Variants in SH3RF3 observed in about 807,000 individuals in gnomAD.
The protein encoded by SH3RF3 is E3 ubiquitin-protein ligase SH3RF3.
A neutral mutation model predicts 66.3 loss-of-function variants in SH3RF3; 29 were observed. The ratio of observed to expected loss-of-function variants is 0.44; its 90% CI spans 0.33 to 0.60. The LOEUF (loss-of-function observed/expected upper bound fraction) is 0.60, where lower values mean the gene tolerates loss of function less well. Among genes scored for constraint, SH3RF3 ranks in the 20% least tolerant of loss-of-function variants. The pLI is 0.04. For missense variants in SH3RF3, 1,194 were observed against 1,190.9 expected (o/e 1.00, Z -0.04); for synonymous variants, 583 against 532.0 (o/e 1.10, Z -1.32).
chr2:109,493,273 C>T (rs1017255013), intron 9 of SH3RF3, among the ~76,000 whole-genome samples: 2 of 144,448 alleles, frequency 1.4e-5, no homozygotes, highest in African/African-American at 2.5e-5. Flanking sequence ...ACACACCCCA[C>T]GTACACCATA....
chr2:109,420,256 C>T (rs1406534431), intron 5 of SH3RF3, among the ~76,000 whole-genome samples: 3 of 152,154 alleles, frequency 2.0e-5, no homozygotes, highest in East Asian at 1.9e-4. Context: ...ATTAGACTCC[C>T]TTTTGCTCTT....
Position 109,449,306 on chromosome 2 carries a change from GC to G in SH3RF3, c.1970del (p.Pro657ArgfsTer53). 6.2e-7 allele frequency: 1 copy of G among 1,607,784 alleles called. No homozygotes were observed. The highest frequency in any genetic ancestry group is 8.5e-7 in the Non-Finnish European group (1 of 1,176,972). Reference sequence around the variant, plus strand: ...TGGTGTCCCCGCAGCACAGCCACCAGCCCCCGGTGCAGATGTGCCCACGGCC... The same window carrying G: ...TGGTGTCCCCGCAGCACAGCCACCAGCCCCGGTGCAGATGTGCCCACGGCC... ...SVVSPQHSHQ[P>X]PVQMCPRPAI... is the part of the protein sequence containing the mutation. On this transcript the variant is annotated frameshift_variant, in exon 8 of 10. Coordinates refer to ENST00000309415, the MANE Select transcript of SH3RF3 (RefSeq NM_001099289.3). LOFTEE classifies it high-confidence loss of function.
At chr2:109,452,089 G>T (rs1677889330) in intron 8 of SH3RF3, among the ~76,000 whole-genome samples, 1 of 152,228 alleles carries the variant, frequency 6.6e-6, no homozygotes, top group African/African-American at 2.4e-5. Flanking sequence ...GCCCATCTGT[G>T]TTCCCACTTG....
At chr2:109,300,239 G>A (rs999626182) in intron 1 of SH3RF3, among the ~76,000 whole-genome samples, 10 of 152,148 alleles carry the variant, frequency 6.6e-5, no homozygotes, top group African/African-American at 2.2e-4. Context: ...TCACTCTGTC[G>A]CCCAGGCTGG....
intron 1 of SH3RF3, among the ~76,000 whole-genome samples, chr2:109,208,698 T>C (rs1452196985): frequency 6.6e-6 from 1 of 150,900 alleles, no homozygotes; most frequent in Non-Finnish European, 1.5e-5. Context: ...CTGTTTTTTC[T>C]GTAATCCTGT....
At chr2:109,235,073 C>G (rs915401250) in intron 1 of SH3RF3, among the ~76,000 whole-genome samples, 1 of 152,168 alleles carries the variant, frequency 6.6e-6, no homozygotes, top group Non-Finnish European at 1.5e-5. Context: ...TATGGTGAGG[C>G]AGAGCTTTAG....
chr2:109,431,810 G>T (rs1573246354), intron 5 of SH3RF3, among the ~76,000 whole-genome samples: 1 of 152,138 alleles, frequency 6.6e-6, no homozygotes, highest in East Asian at 1.9e-4. Context: ...CATTGAGGCT[G>T]CAGTGAGCTA....
At chr2:109,474,763 G>A (rs1284789553) in intron 8 of SH3RF3, among the ~76,000 whole-genome samples, 3 of 152,166 alleles carry the variant, frequency 2.0e-5, no homozygotes, top group Non-Finnish European at 2.9e-5. Flanking sequence ...CCAGTGATCC[G>A]AGGCCCTGCA....
At chr2:109,432,747 G>C (rs1677274716) in intron 6 of SH3RF3, 76 bp downstream of exon 6, 3 of 1,510,988 alleles carry the variant, frequency 2.0e-6, no homozygotes, top group Non-Finnish European at 2.7e-6. Flanking sequence ...GTTACTGCTG[G>C]AGGCTACTCT....
In SH3RF3 at chr2:109,490,669, C is replaced by T. The variant is rs1305735488; in HGVS notation, c.2213C>T (p.Ser738Phe). ...GCATCCACCAAGAAGAAGTCACGCT[C>T]CCCGCCATCTGTGTCTCCAACCCAC... is the stretch of plus-strand genomic sequence containing the variant. Reference protein sequence around the residue: ...AGASTKKKSRSPPSVSPTHDP... With the variant: ...AGASTKKKSRFPPSVSPTHDP... Residue 738 changes from serine to phenylalanine, a missense_variant, in exon 9 of 10, where the codon TCC becomes TTC. Coordinates refer to ENST00000309415, the MANE Select transcript of SH3RF3 (RefSeq NM_001099289.3). The T allele has an allele frequency of 6.6e-7, 1 of 1,521,050 alleles. No individual in the cohort carries two copies. Among genetic ancestry groups the T allele is most frequent in the Admixed American group, 2.0e-5 (1 of 50,044 alleles). 94.2% of individuals were successfully genotyped at this position (1,521,050 alleles called of 1,614,324 possible). A position where few individuals can be genotyped will look rare whatever the true frequency, so the allele number is the denominator to read the frequency against.
chr2:109,240,791 G>C (rs1199128977), intron 1 of SH3RF3, among the ~76,000 whole-genome samples: 3 of 151,954 alleles, frequency 2.0e-5, no homozygotes, highest in Admixed American at 2.0e-4. Flanking sequence ...TAGACCCTGA[G>C]GGGTTTCTCT....
chr2:109,358,320 TC>T (rs1217825954), intron 2 of SH3RF3, among the ~76,000 whole-genome samples: 1 of 152,234 alleles, frequency 6.6e-6, no homozygotes, highest in Non-Finnish European at 1.5e-5. Context: ...CTTGGTTACT[TC>T]CATGTTTGGG....
chr2:109,491,740 T>C (rs537745772), intron 9 of SH3RF3, among the ~76,000 whole-genome samples: 36 of 152,316 alleles, frequency 2.4e-4, no homozygotes, highest in South Asian at 2.1e-3. Context: ...TAGAAAGATA[T>C]GATCCTTACT....
At chr2:109,496,287 G>A (rs192836130) in intron 9 of SH3RF3, among the ~76,000 whole-genome samples, 20 of 152,250 alleles carry the variant, frequency 1.3e-4, no homozygotes, top group East Asian at 7.7e-4. Flanking sequence ...GCTACAGAGC[G>A]CTGATTGGTG....
Position 109,129,976 on chromosome 2 carries a change from GC to G in SH3RF3, c.441del (p.Thr148ArgfsTer122). 1 of 1,323,312 alleles carries G rather than the reference GC, an allele frequency of 7.6e-7. No homozygotes were observed. The highest frequency in any genetic ancestry group is 9.6e-7 in the Non-Finnish European group (1 of 1,042,032). The allele number at this position is 1,323,312 out of a possible 1,614,324, so 82.0% of individuals were successfully genotyped here. A position where few individuals can be genotyped will look rare whatever the true frequency, so the allele number is the denominator to read the frequency against. On this transcript the variant is annotated frameshift_variant, in exon 1 of 10. Coordinates refer to ENST00000309415, the MANE Select transcript of SH3RF3 (RefSeq NM_001099289.3). LOFTEE classifies it high-confidence loss of function. The stretch of plus-strand genomic sequence containing the variant: ...GCGTCCCATCCCAGGCCAGAGTGCG[GC>G]CCCCACGCTCGCGGGCGGCGGGGGC... ...PARPIPGQSA[A>X]PTLAGGGGGA...
chr2:109,391,836 T>C (rs1377519584), intron 3 of SH3RF3, among the ~76,000 whole-genome samples: 5 of 151,994 alleles, frequency 3.3e-5, no homozygotes, highest in African/African-American at 9.7e-5. Context: ...CCTAAAAATA[T>C]GGTCTTCTTT....
chr2:109,347,321 A>T (rs1337914934), intron 1 of SH3RF3, among the ~76,000 whole-genome samples: 1 of 152,182 alleles, frequency 6.6e-6, no homozygotes, highest in South Asian at 2.1e-4. Flanking sequence ...GCCTTAGGAA[A>T]GTCACCTTCC....
At chr2:109,325,277 C>T (rs1014907311) in intron 1 of SH3RF3, among the ~76,000 whole-genome samples, 1 of 151,472 alleles carries the variant, frequency 6.6e-6, no homozygotes, top group African/African-American at 2.4e-5. Context: ...TCGTAGAATC[C>T]CAGGAGTCAT....
chr2:109,476,304 A>G (rs552891195), intron 8 of SH3RF3, among the ~76,000 whole-genome samples: 1 of 152,300 alleles, frequency 6.6e-6, no homozygotes, highest in African/African-American at 2.4e-5. Context: ...GGTCAAGTGA[A>G]GATCAAATGA....
Sources: allele counts gnomAD v4.1 joint callset (sites outside exome capture counted in the v4.1 genomes callset), GRCh38; gene constraint gnomAD v4.1.1; transcripts MANE v1.5; gene names NCBI Gene and HGNC (gene_info 2026-07-23, HGNC 2026-07-21).